PSMD1: variants seen among roughly 807,000 people sequenced by gnomAD.
The protein encoded by PSMD1 is proteasome 26S subunit, non-ATPase 1.
A neutral mutation model predicts 119.0 loss-of-function variants in PSMD1; 18 were observed. That is an observed-to-expected ratio of 0.15 (90% CI 0.10 to 0.22). The LOEUF (loss-of-function observed/expected upper bound fraction) is 0.22. PSMD1 is among the 10% of genes least tolerant of loss of function. The pLI, the probability that PSMD1 is intolerant of heterozygous loss-of-function variation, is 1.00. For missense variants in PSMD1, 702 were observed against 1,158.5 expected (o/e 0.61, Z 5.72); for synonymous variants, 374 against 396.6 (o/e 0.94, Z 0.68).
chr2:231,090,690 T>G (rs74480536), intron 16 of PSMD1, among the ~76,000 whole-genome samples: 2,627 of 152,340 alleles, frequency 0.017, 88 homozygotes, highest in African/African-American at 0.061. Context: ...CATTCATGAT[T>G]CACAGGAGGA....
At chr2:231,142,178 C>T (rs865840593) in intron 17 of PSMD1, among the ~76,000 whole-genome samples, 3 of 152,224 alleles carry the variant, frequency 2.0e-5, no homozygotes, top group East Asian at 1.9e-4. Context: ...CCACTGTGCC[C>T]GGCCAGTTTT....
intron 16 of PSMD1, among the ~76,000 whole-genome samples, chr2:231,119,716 C>A (rs1695464976): frequency 1.3e-5 from 2 of 151,788 alleles, no homozygotes; most frequent in South Asian, 4.2e-4. Flanking sequence ...ACTAAAAATA[C>A]AAAACTTAGC....
At chr2:231,161,166 C>G (rs76901853) in intron 19 of PSMD1, among the ~76,000 whole-genome samples, 174 bp from the exon 20 acceptor site, 4 of 151,532 alleles carry the variant, frequency 2.6e-5, no homozygotes, top group African/African-American at 9.7e-5. Flanking sequence ...GAGCCATGAT[C>G]GTGCTGCTGC....
At chr2:231,113,057 G>A (rs1422135653) in intron 16 of PSMD1, among the ~76,000 whole-genome samples, 2 of 152,054 alleles carry the variant, frequency 1.3e-5, no homozygotes, top group African/African-American at 4.8e-5. Context: ...CCAGCTACCT[G>A]GGAGGCTGAG....
chr2:231,129,627 T>G (rs1695806934), intron 16 of PSMD1, among the ~76,000 whole-genome samples: 1 of 152,266 alleles, frequency 6.6e-6, no homozygotes, highest in African/African-American at 2.4e-5. Context: ...GTTTTGTTTT[T>G]TGCTTTTCCT....
At position 231,161,336 on chromosome 2, in the gene PSMD1, A is replaced by G. The variant is rs62193732; in HGVS notation, c.2219-4A>G. Reference sequence around the variant, plus strand: ...TTGTTCATGGTTTCTCTCTTTTTCTACAGGTGGTCATAATGTCACAATCTC... The same window carrying G: ...TTGTTCATGGTTTCTCTCTTTTTCTGCAGGTGGTCATAATGTCACAATCTC... On this transcript the variant is annotated splice_region_variant and splice_polypyrimidine_tract_variant and intron_variant, in intron 19 of 24. Coordinates refer to ENST00000308696, the MANE Select transcript of PSMD1 (RefSeq NM_002807.4). The G allele has an allele frequency of 5.7e-3, 9,178 of 1,597,582 alleles. 34 individuals carry two copies. The highest frequency in any genetic ancestry group is 8.3e-3 in the Middle Eastern group (50 of 6,008).
chr2:231,123,605 G>C lies in PSMD1; in HGVS notation c.1884-15131G>C, dbSNP rs146265859. The stretch of plus-strand genomic sequence containing the variant: ...AGTATCAGAAGAGCTGCCCAGTGCA[G>C]TTTATTTCCCTGTTCCTCAACAATC... On this transcript the variant is annotated intron_variant, in intron 16 of 24. Transcript: ENST00000308696. 33 of 1,614,088 alleles carry C rather than the reference G, an allele frequency of 2.0e-5. No homozygotes were observed. In the African/African-American group the frequency reaches 4.1e-4, roughly 20 times the overall value.
chr2:231,167,805 C>T (rs1225460673), intron 23 of PSMD1, among the ~76,000 whole-genome samples: 1 of 152,194 alleles, frequency 6.6e-6, no homozygotes, highest in African/African-American at 2.4e-5. Flanking sequence ...AATAAAAAGA[C>T]AACCTAATTT....
intron 16 of PSMD1, among the ~76,000 whole-genome samples, chr2:231,122,831 A>C (rs917875477): frequency 1.3e-5 from 2 of 152,148 alleles, no homozygotes; most frequent in Non-Finnish European, 2.9e-5. Flanking sequence ...GGACACTCTG[A>C]GCCAAACCAT....
At chr2:231,083,950 A>C (rs1158880937) in intron 14 of PSMD1, among the ~76,000 whole-genome samples, 187 bp downstream of exon 14, 1 of 152,228 alleles carries the variant, frequency 6.6e-6, no homozygotes, top group African/African-American at 2.4e-5. Context: ...GGTACATGGG[A>C]GTAATTTGAG....
At chr2:231,140,993 A>G (rs1696093323) in intron 17 of PSMD1, among the ~76,000 whole-genome samples, 1 of 151,526 alleles carries the variant, frequency 6.6e-6, no homozygotes, top group Non-Finnish European at 1.5e-5. Flanking sequence ...ACTTGGTGAA[A>G]CCCCTTCTCT....
In PSMD1 at chr2:231,087,156, G is replaced by C. The variant is rs1264174047; in HGVS notation, c.1858G>C (p.Glu620Gln). 6.2e-7 allele frequency: 1 copy of C among 1,613,570 alleles called. No homozygotes were observed. Among genetic ancestry groups the C allele is most frequent in the Non-Finnish European group, 8.5e-7 (1 of 1,179,760 alleles). ...TGATGATGTCAGGAGGGCAGCAGTAGAATCACTTGGGTTCATTCTATTCAG... is the reference window on the plus strand; with the variant it reads ...TGATGATGTCAGGAGGGCAGCAGTACAATCACTTGGGTTCATTCTATTCAG... ...VNDDVRRAAV[E>Q]SLGFILFRTP... The change falls in exon 16 of 25, where the codon GAA becomes CAA. Residue 620 changes from glutamate to glutamine, a missense_variant. Coordinates refer to ENST00000308696, the MANE Select transcript of PSMD1 (RefSeq NM_002807.4).
intron 4 of PSMD1, among the ~76,000 whole-genome samples, chr2:231,064,108 G>GT (rs1693833962): frequency 6.6e-6 from 1 of 152,188 alleles, no homozygotes; most frequent in South Asian, 2.1e-4. Flanking sequence ...TCTAAACACT[G>GT]TATCATTTTA....
At chr2:231,139,314 C>CTTTTTTTTTTTTTTT (rs60709158) in intron 17 of PSMD1, among the ~76,000 whole-genome samples, 44 of 93,536 alleles carry the variant, frequency 4.7e-4, no homozygotes, top group Non-Finnish European at 6.3e-4. Context: ...TTTTTTCTTT[C>CTTTTTTTTTTTTTTT]TTTTTTTTTT....
chr2:231,106,829 G>A (rs1694989773), intron 16 of PSMD1, among the ~76,000 whole-genome samples: 1 of 152,102 alleles, frequency 6.6e-6, no homozygotes, highest in Non-Finnish European at 1.5e-5. Flanking sequence ...GCCAACTCTG[G>A]TGTATAGATT....
chr2:231,065,608 G>A (rs1196928475), intron 4 of PSMD1, among the ~76,000 whole-genome samples: 2 of 152,134 alleles, frequency 1.3e-5, no homozygotes, highest in African/African-American at 4.8e-5. Context: ...CAGGGTGACT[G>A]TTTTATCTTC....
At chr2:231,091,771 T>G (rs917612497) in intron 16 of PSMD1, among the ~76,000 whole-genome samples, 1 of 152,100 alleles carries the variant, frequency 6.6e-6, no homozygotes, top group African/African-American at 2.4e-5. Context: ...TTGTCTTAAG[T>G]CTGCTGTTAA....
intron 18 of PSMD1, among the ~76,000 whole-genome samples, chr2:231,148,852 A>C (rs938270866): frequency 6.6e-6 from 1 of 152,234 alleles, no homozygotes; most frequent in Non-Finnish European, 1.5e-5. Flanking sequence ...GAGATGGTAT[A>C]CAGCATGTTG....
rs555189452 is a variant in PSMD1 at position 231,093,703 on chromosome 2, T to C, written c.1883+6522T>C. Among the ~76,000 whole-genome samples, 7 of 152,352 alleles carry C rather than the reference T, an allele frequency of 4.6e-5. No homozygotes were observed. The South Asian group carries it at 1.4e-3, about 32-fold the overall frequency. The stretch of plus-strand genomic sequence containing the variant: ...TGGCTGAAATTTATCATCTAAATTT[T>C]AAAAATTAAGGGTAAATAAGGCTTG... On this transcript the variant is annotated intron_variant, in intron 16 of 24. Coordinates refer to ENST00000308696, the MANE Select transcript of PSMD1 (RefSeq NM_002807.4).
Sources: gnomAD v4.1 joint callset for allele counts (sites outside exome capture counted in the v4.1 genomes callset) on GRCh38, gnomAD v4.1.1 for gene constraint, MANE v1.5 for transcripts, NCBI Gene and HGNC (gene_info 2026-07-23, HGNC 2026-07-21) for gene names.